Variants in TBL1XR1 observed in about 807,000 individuals in gnomAD.
TBL1XR1 encodes the protein TBL1X/Y related 1.
In TBL1XR1, 5 loss-of-function variants were observed where a neutral mutation model predicts 66.9. The observed-to-expected ratio is 0.07, with a 90% CI of 0.04 to 0.16. The LOEUF is 0.16. TBL1XR1 is among the 10% of genes least tolerant of loss of function. TBL1XR1 has a pLI of 1.00. For synonymous variants in TBL1XR1, 210 were observed against 206.0 expected (o/e 1.02, Z -0.17); for missense variants, 238 against 623.2 (o/e 0.38, Z 6.58).
chr3:177,150,929 A>G (rs779224146), intron 1 of TBL1XR1, among the ~76,000 whole-genome samples: 268 of 152,362 alleles, frequency 1.8e-3, no homozygotes, highest in Non-Finnish European at 3.0e-3. Flanking sequence ...ACCTCACTGT[A>G]TTGGAAGGTG....
chr3:177,058,733 A>T (rs1256796019), intron 3 of TBL1XR1, among the ~76,000 whole-genome samples: 1 of 152,226 alleles, frequency 6.6e-6, no homozygotes, highest in Non-Finnish European at 1.5e-5. Context: ...GCCAAAAGCA[A>T]TTTCCATGTT....
intron 1 of TBL1XR1, among the ~76,000 whole-genome samples, chr3:177,180,404 G>A (rs894848745): frequency 7.3e-6 from 1 of 136,418 alleles, no homozygotes; most frequent in African/African-American, 2.8e-5. Flanking sequence ...TACCTTGTCT[G>A]TTTTAACAAC....
chr3:177,141,015 C>A (rs1224276110), intron 1 of TBL1XR1, among the ~76,000 whole-genome samples: 1 of 152,004 alleles, frequency 6.6e-6, no homozygotes, highest in Non-Finnish European at 1.5e-5. Flanking sequence ...CTGCTCTAAT[C>A]CTTATCTTGT....
chr3:177,144,483 G>A (rs1730007399), intron 1 of TBL1XR1, among the ~76,000 whole-genome samples: 1 of 151,908 alleles, frequency 6.6e-6, no homozygotes, highest in South Asian at 2.1e-4. Context: ...GCCGGGCGCG[G>A]TGGCTCACGC....
chr3:177,054,014 A>ATCC, intron 3 of TBL1XR1, 96 bp from the exon 4 acceptor site: 1 of 1,298,286 alleles, frequency 7.7e-7, no homozygotes, highest in African/African-American at 1.5e-5. Context: ...TTCAAATCCC[A>ATCC]TCCTACCCAT....
At chr3:177,139,253 G>A (rs1274975895) in intron 1 of TBL1XR1, among the ~76,000 whole-genome samples, 2 of 152,208 alleles carry the variant, frequency 1.3e-5, no homozygotes, top group African/African-American at 4.8e-5. Flanking sequence ...CGGGTGTGGT[G>A]GCTCATGCCT....
chr3:177,034,518 A>T (rs1201588155), intron 12 of TBL1XR1, among the ~76,000 whole-genome samples, 193 bp from the exon 13 acceptor site: 2 of 152,078 alleles, frequency 1.3e-5, no homozygotes, highest in Admixed American at 6.6e-5. Context: ...GTTTAAAAAA[A>T]AAAGTTAGCT....
chr3:177,154,330 A>G (rs1026239413), intron 1 of TBL1XR1, among the ~76,000 whole-genome samples: 3 of 152,222 alleles, frequency 2.0e-5, no homozygotes, highest in African/African-American at 7.2e-5. Flanking sequence ...ATCCATCAAG[A>G]TAACATAAAA....
intron 2 of TBL1XR1, among the ~76,000 whole-genome samples, chr3:177,081,448 C>T (rs138863283): frequency 6.6e-6 from 1 of 152,156 alleles, no homozygotes; most frequent in Non-Finnish European, 1.5e-5. Context: ...GAGACTTAAA[C>T]ATTCAGATAT....
intron 1 of TBL1XR1, among the ~76,000 whole-genome samples, chr3:177,151,934 G>C (rs1363806571): frequency 6.6e-6 from 1 of 152,162 alleles, no homozygotes; most frequent in Non-Finnish European, 1.5e-5. Context: ...TGAGGCAGGA[G>C]AATCACTTGA....
At chr3:177,159,624 A>G (rs1253487226) in intron 1 of TBL1XR1, among the ~76,000 whole-genome samples, 4 of 152,214 alleles carry the variant, frequency 2.6e-5, no homozygotes, top group Non-Finnish European at 5.9e-5. Flanking sequence ...AGCACTAAAG[A>G]TATGTCAGTG....
In TBL1XR1 at chr3:177,025,083, C is replaced by T. The variant is rs1322744753; in HGVS notation, c.*415G>A. ...TGTAAGTCCATTTTCTCTGTACATA[C>T]AAACTGCTCACTACTGAAGGGAAAA... On this transcript the variant is annotated 3_prime_UTR_variant, in exon 16 of 16. Coordinates refer to ENST00000457928, the MANE Select transcript of TBL1XR1 (RefSeq NM_024665.7). 5.9e-6 allele frequency: 1 copy of T among 170,586 alleles called. No individual in the cohort carries two copies. Among genetic ancestry groups the T allele is most frequent in the African/African-American group, 2.4e-5 (1 of 42,276 alleles). 10.6% of individuals were successfully genotyped at this position (170,586 alleles called of 1,614,324 possible).
intron 10 of TBL1XR1, 55 bp from the exon 11 acceptor site, chr3:177,038,489 G>C: frequency 7.0e-7 from 1 of 1,419,480 alleles, no homozygotes; most frequent in Admixed American, 2.9e-5. Flanking sequence ...TAAAATCCAA[G>C]AGTTTTAGCT....
chr3:177,072,606 C>T (rs1720171025), intron 2 of TBL1XR1, among the ~76,000 whole-genome samples: 1 of 152,120 alleles, frequency 6.6e-6, no homozygotes, highest in Non-Finnish European at 1.5e-5. Context: ...AACAGAGTTA[C>T]TTCCGTTGCA....
intron 4 of TBL1XR1, among the ~76,000 whole-genome samples, chr3:177,053,152 G>A (rs537718464): frequency 1.3e-5 from 2 of 152,182 alleles, no homozygotes; most frequent in Non-Finnish European, 2.9e-5. Context: ...AAACTAGACC[G>A]GGGTTTACAA....
At chr3:177,152,935 G>T (rs925840093) in intron 1 of TBL1XR1, among the ~76,000 whole-genome samples, 3 of 152,130 alleles carry the variant, frequency 2.0e-5, no homozygotes, top group African/African-American at 7.2e-5. Context: ...GAGGTCAGGA[G>T]TTGGAGAACA....
chr3:177,162,533 G>A (rs1732344286), intron 1 of TBL1XR1, among the ~76,000 whole-genome samples: 1 of 152,166 alleles, frequency 6.6e-6, no homozygotes, highest in Non-Finnish European at 1.5e-5. Flanking sequence ...AACAAAATGG[G>A]GCCTGAGGAA....
chr3:177,167,440 C>T (rs1194954560), intron 1 of TBL1XR1, among the ~76,000 whole-genome samples: 2 of 152,174 alleles, frequency 1.3e-5, no homozygotes, highest in Non-Finnish European at 2.9e-5. Flanking sequence ...ACACGCAGAA[C>T]GTACAACACC....
At chr3:177,045,359 A>C (rs1440453651) in intron 10 of TBL1XR1, among the ~76,000 whole-genome samples, 3 of 152,144 alleles carry the variant, frequency 2.0e-5, no homozygotes, top group African/African-American at 7.2e-5. Flanking sequence ...AACATCATTT[A>C]GTTACTGCAG....
Sources: gnomAD v4.1 joint callset for allele counts (sites outside exome capture counted in the v4.1 genomes callset) on GRCh38, gnomAD v4.1.1 for gene constraint, MANE v1.5 for transcripts, NCBI Gene and HGNC (gene_info 2026-07-23, HGNC 2026-07-21) for gene names.